FASTKD1: variants seen among roughly 807,000 people sequenced by gnomAD.
FASTKD1 encodes FAST kinase domains 1.
A neutral mutation model predicts 90.9 loss-of-function variants in FASTKD1; 94 were observed. That is an observed-to-expected ratio of 1.03 (90% CI 0.88 to 1.23). The LOEUF is 1.23. FASTKD1 is among the 50% of genes most tolerant of loss of function. The pLI is 0.00. For synonymous variants in FASTKD1, 319 were observed against 345.8 expected, an observed-to-expected ratio of 0.92 and a Z score of 0.86; for missense variants, 945 against 993.5, an observed-to-expected ratio of 0.95 and a Z score of 0.66.
At chr2:169,551,595 G>C (rs189429754) in intron 7 of FASTKD1, among the ~76,000 whole-genome samples, 1 of 152,196 alleles carries the variant, frequency 6.6e-6, no homozygotes, top group Non-Finnish European at 1.5e-5. Flanking sequence ...ACAGGAGTTT[G>C]GGACCAGCCT....
intron 11 of FASTKD1, 103 bp from the exon 12 acceptor site, chr2:169,537,443 G>A (rs987671487): frequency 1.1e-5 from 8 of 696,556 alleles, no homozygotes; most frequent in African/African-American, 5.5e-5. Flanking sequence ...GGAATGCAAC[G>A]GCGCGATCTC....
Position 169,529,758 on chromosome 2 carries a change from T to G in FASTKD1, c.*67A>C. ...AGGACATTTGTACCTATTTTTTAAT[T>G]GAGACAGGCCACTTTATTAAAATAG... On this transcript the variant is annotated 3_prime_UTR_variant, in exon 15 of 15. Transcript: ENST00000453153. The G allele has an allele frequency of 1.1e-5, 12 of 1,098,580 alleles. No homozygotes were observed. The highest frequency in any genetic ancestry group is 1.6e-5 in the African/African-American group (1 of 62,990). The allele number at this position is 1,098,580 out of a possible 1,614,324, so 68.1% of individuals were successfully genotyped here.
At chr2:169,552,694 G>A (rs2683456) in intron 7 of FASTKD1, among the ~76,000 whole-genome samples, 82,847 of 151,874 alleles carry the variant, frequency 0.55, 22,924 homozygotes, top group Admixed American at 0.66. Flanking sequence ...GCTAAGCTAT[G>A]AGTACGCAAA....
intron 1 of FASTKD1, chr2:169,572,893 G>GA (rs1202305502): frequency 3.9e-5 from 6 of 152,174 alleles, no homozygotes; most frequent in African/African-American, 1.4e-4. Flanking sequence ...GTAATGGTTA[G>GA]AAAAGCAGGG....
At position 169,560,830 on chromosome 2, in the gene FASTKD1, T is replaced by C. The variant is rs199627348; in HGVS notation, c.573-45A>G. On this transcript the variant is annotated intron_variant, in intron 4 of 14. Transcript: ENST00000453153. Reference sequence around the variant, plus strand: ...CAAAGATTTTTACATCAATTAAGAATGATCAATTCTTTTTTTTTTTTTTTT... The same window carrying C: ...CAAAGATTTTTACATCAATTAAGAACGATCAATTCTTTTTTTTTTTTTTTT... 2.0e-4 allele frequency: 181 copies of C among 894,384 alleles called. 1 individual carries two copies. In the African/African-American group the frequency reaches 3.0e-3, roughly 15 times the overall value. The allele number at this position is 894,384 out of a possible 1,614,324, so 55.4% of individuals were successfully genotyped here. A position where few individuals can be genotyped will look rare whatever the true frequency, so the allele number is the denominator to read the frequency against.
chr2:169,539,422 C>G (rs1312965665), intron 10 of FASTKD1, among the ~76,000 whole-genome samples: 4 of 151,972 alleles, frequency 2.6e-5, no homozygotes, highest in Non-Finnish European at 5.9e-5. Flanking sequence ...CCAGCCTGGG[C>G]AACATAGCAA....
At chr2:169,532,292 C>G (rs750296743) in intron 12 of FASTKD1, among the ~76,000 whole-genome samples, 3 of 151,630 alleles carry the variant, frequency 2.0e-5, no homozygotes, top group Non-Finnish European at 4.4e-5. Context: ...GTAGTGGTAG[C>G]TACTCCGGCT....
intron 2 of FASTKD1, 49 bp downstream of exon 2, chr2:169,571,604 A>C: frequency 8.5e-7 from 1 of 1,169,618 alleles, no homozygotes; most frequent in East Asian, 2.7e-5. Flanking sequence ...AGAAAATTAA[A>C]ATGTAAACTA....
intron 6 of FASTKD1, 36 bp from the exon 7 acceptor site, chr2:169,555,291 T>C: frequency 6.4e-7 from 1 of 1,559,116 alleles, no homozygotes; most frequent in South Asian, 1.2e-5. Context: ...AACCAGTTCA[T>C]TCATTTATTA....
chr2:169,539,937 A>G (rs758998508), intron 10 of FASTKD1, 114 bp downstream of exon 10: 7 of 529,992 alleles, frequency 1.3e-5, no homozygotes, highest in African/African-American at 2.0e-5. Context: ...AAGCATGAAT[A>G]CTATTAGAAA....
chr2:169,531,198 A>G (rs1684468803), intron 13 of FASTKD1, 154 bp downstream of exon 13: 3 of 819,350 alleles, frequency 3.7e-6, no homozygotes, highest in Admixed American at 3.6e-5. Flanking sequence ...ACATTAAAGC[A>G]GAAAGGAGAG....
rs115316199 is a variant in FASTKD1 at position 169,553,512 on chromosome 2, A to G, written c.1214+1612T>C. 8.6e-3 allele frequency among the ~76,000 whole-genome samples: 1,308 copies of G among 152,328 alleles called. 25 individuals carry two copies. The highest frequency in any genetic ancestry group is 0.03 in the African/African-American group (1,228 of 41,586). On this transcript the variant is annotated intron_variant, in intron 7 of 14. Coordinates refer to ENST00000453153, the MANE Select transcript of FASTKD1 (RefSeq NM_024622.6). The stretch of plus-strand genomic sequence containing the variant: ...TCCTAATACGCTAAATTCTCATCTG[A>G]TAACATGTTATTTCATATTACTCAG...
intron 6 of FASTKD1, among the ~76,000 whole-genome samples, chr2:169,556,477 T>A (rs1169579899): frequency 3.4e-5 from 5 of 144,992 alleles, no homozygotes; most frequent in Non-Finnish European, 6.0e-5. Flanking sequence ...GCACAGTGGC[T>A]CAACACTTTG....
chr2:169,571,901 C>A lies in FASTKD1; in HGVS notation c.129G>T (p.Met43Ile). ...TTTGCTCCTCATCTGTACACTTATTCATCTGAATAATTAGTGGTTCACAAC... is the reference window on the plus strand; with the variant it reads ...TTTGCTCCTCATCTGTACACTTATTAATCTGAATAATTAGTGGTTCACAAC... Reference protein sequence around the residue: ...PISCEPLIIQMNKCTDEEQMF... With the variant: ...PISCEPLIIQINKCTDEEQMF... The change falls in exon 2 of 15, where the codon ATG (methionine) becomes ATT (isoleucine). Residue 43 changes from methionine to isoleucine, a missense_variant. Transcript: ENST00000453153. 6.2e-7 allele frequency: 1 copy of A among 1,614,056 alleles called. No homozygotes were observed.
chr2:169,540,006 T>A (rs1020123065), intron 10 of FASTKD1, 45 bp downstream of exon 10: 3 of 1,273,810 alleles, frequency 2.4e-6, no homozygotes, highest in Non-Finnish European at 3.3e-6. Context: ...GACTTGGATA[T>A]AAAGTACAAC....
At chr2:169,568,448 C>G (rs558264615) in intron 3 of FASTKD1, among the ~76,000 whole-genome samples, 1 of 151,892 alleles carries the variant, frequency 6.6e-6, no homozygotes, top group South Asian at 2.1e-4. Flanking sequence ...GAAAAGTATA[C>G]TATTCCCCAC....
rs768572949 is a variant in FASTKD1 at position 169,538,129 on chromosome 2, G to A, written c.1958C>T (p.Ser653Phe). Residue 653 changes from serine (S) to phenylalanine (F), a missense_variant, in exon 11 of 15, where the codon TCT becomes TTT. Physicochemically the swap from Ser to Phe is radical, Grantham distance 155 (BLOSUM62 -2). Transcript: ENST00000453153. ...ATGAAACTGGACTCTTGCACTTCGA[G>A]ATGGAGATAAAACTGAAATTAATAA... The part of the protein sequence containing the change: ...LDSQLEILSP[S>F]RSARVQFHLM... 4 of 1,600,364 alleles carry A rather than the reference G, an allele frequency of 2.5e-6. No individual in the cohort carries two copies. In the African/African-American group the frequency reaches 4.1e-5, roughly 16 times the overall value.
At chr2:169,568,402 T>C (rs995678013) in intron 3 of FASTKD1, among the ~76,000 whole-genome samples, 1 of 151,956 alleles carries the variant, frequency 6.6e-6, no homozygotes, top group African/African-American at 2.4e-5. Context: ...TAGCTGTGAC[T>C]CTATCTTATT....
chr2:169,566,398 T>C lies in FASTKD1; in HGVS notation c.446+2786A>G, dbSNP rs78065258. Among the ~76,000 whole-genome samples, 594 of 152,304 alleles carry C rather than the reference T, an allele frequency of 3.9e-3. 4 individuals are homozygous for C. The highest frequency in any genetic ancestry group is 0.013 in the African/African-American group (559 of 41,568). On this transcript the variant is annotated intron_variant, in intron 3 of 14. Coordinates refer to ENST00000453153, the MANE Select transcript of FASTKD1 (RefSeq NM_024622.6). ...ATGGGTACATGGGAATTCGTTGTAC[T>C]ACTCTTTCTCCTTTTGTAAATGTTA...
Sources: allele counts gnomAD v4.1 joint callset (sites outside exome capture counted in the v4.1 genomes callset), GRCh38; gene constraint gnomAD v4.1.1; transcripts MANE v1.5; gene names NCBI Gene and HGNC (gene_info 2026-07-23, HGNC 2026-07-21).